ASXL1: variants seen among roughly 807,000 people sequenced by gnomAD.
ASXL1 encodes ASXL transcriptional regulator 1.
Under a neutral mutation model 89.1 loss-of-function variants are expected in ASXL1, and 65 were observed. The observed-to-expected ratio is 0.73, with a 90% CI of 0.60 to 0.90. ASXL1 has a LOEUF of 0.90. Among genes scored for constraint, ASXL1 ranks in the 40% least tolerant of loss-of-function variants. ASXL1 has a pLI of 0.00. For synonymous variants in ASXL1, 739 were observed against 746.9 expected (o/e 0.99, Z 0.17); for missense variants, 1,786 against 1,942.9 (o/e 0.92, Z 1.52).
At position 32,435,844 on chromosome 20, in the gene ASXL1, C is replaced by G; in HGVS notation, c.3132C>G (p.Ser1044=). ...ATTGGAACCAATCTGCCCCACTGTCCAAGGTGAATGGTGACATGCGTCTGG... is the reference window on the plus strand; with the variant it reads ...ATTGGAACCAATCTGCCCCACTGTCGAAGGTGAATGGTGACATGCGTCTGG... ...KPNWNQSAPL[S]KVNGDMRLVT... The change falls in exon 13 of 13, where the codon TCC becomes TCG. Residue 1044 remains serine, a synonymous_variant. Transcript: ENST00000375687. 6.2e-7 allele frequency: 1 copy of G among 1,614,120 alleles called. No homozygotes were observed. Among genetic ancestry groups the G allele is most frequent in the Non-Finnish European group, 8.5e-7 (1 of 1,180,022 alleles).
chr20:32,426,209 A>G (rs1193598998), intron 4 of ASXL1, among the ~76,000 whole-genome samples: 1 of 152,114 alleles, frequency 6.6e-6, no homozygotes. Context: ...AGATACATAT[A>G]TATTTTTTAG....
chr20:32,427,716 A>G, intron 4 of ASXL1: 1 of 272,296 alleles, frequency 3.7e-6, no homozygotes, highest in Non-Finnish European at 7.2e-6. Context: ...CGCTCAACTC[A>G]TTGAAGTTAG....
intron 4 of ASXL1, among the ~76,000 whole-genome samples, chr20:32,391,146 T>G (rs1195166575): frequency 6.6e-6 from 1 of 152,090 alleles, no homozygotes; most frequent in Non-Finnish European, 1.5e-5. Flanking sequence ...CACCTATGCC[T>G]CTCAAAGTGC....
Position 32,366,376 on chromosome 20 carries a change from T to A in ASXL1, c.58-8T>A. The A allele has an allele frequency of 1.2e-6, 2 of 1,603,840 alleles. No homozygotes were observed. Among genetic ancestry groups the A allele is most frequent in the Non-Finnish European group, 1.7e-6 (2 of 1,170,724 alleles). On this transcript the variant is annotated splice_polypyrimidine_tract_variant and splice_region_variant and intron_variant, in intron 1 of 12. Coordinates refer to ENST00000375687, the MANE Select transcript of ASXL1 (RefSeq NM_015338.6). Reference sequence around the variant, plus strand: ...CACACTGAAATTAGGACGTTTATATTTCTTCAGGTATTAGAAAACTACTCG... The same window carrying A: ...CACACTGAAATTAGGACGTTTATATATCTTCAGGTATTAGAAAACTACTCG...
chr20:32,433,213 C>T (rs2123250510), intron 11 of ASXL1, 71 bp from the exon 12 acceptor site: 1 of 1,603,414 alleles, frequency 6.2e-7, no homozygotes, highest in Non-Finnish European at 8.5e-7. Context: ...TTTCTGGGTC[C>T]ATATTATTCA....
At chr20:32,380,117 A>G (rs2122918506) in intron 4 of ASXL1, among the ~76,000 whole-genome samples, 1 of 151,878 alleles carries the variant, frequency 6.6e-6, no homozygotes, top group Non-Finnish European at 1.5e-5. Context: ...CTCCATCTCT[A>G]CTAAAAATAC....
intron 4 of ASXL1, among the ~76,000 whole-genome samples, chr20:32,399,269 A>G (rs1272371217): frequency 6.6e-6 from 1 of 151,754 alleles, no homozygotes; most frequent in African/African-American, 2.4e-5. Context: ...TACTTTAAAG[A>G]TGATATACCA....
intron 4 of ASXL1, among the ~76,000 whole-genome samples, chr20:32,394,000 T>C (rs1449560252): frequency 1.3e-5 from 2 of 149,400 alleles, no homozygotes; most frequent in Non-Finnish European, 3.0e-5. Flanking sequence ...CTGGCTATTT[T>C]TTTTTTTTTT....
At chr20:32,418,747 CGTGTTGAGA>C (rs1424518679) in intron 4 of ASXL1, among the ~76,000 whole-genome samples, 3 of 140,646 alleles carry the variant, frequency 2.1e-5, no homozygotes, top group Non-Finnish European at 3.0e-5. Flanking sequence ...TGTAAAAGAT[CGTGTTGAGA>C]GCTTTATTGG....
intron 4 of ASXL1, among the ~76,000 whole-genome samples, chr20:32,398,785 A>AT (rs1189041741): frequency 6.7e-6 from 1 of 149,828 alleles, no homozygotes; most frequent in Non-Finnish European, 1.5e-5. Context: ...CATTTTTTGT[A>AT]TTTTTAGTAG....
intron 4 of ASXL1, 149 bp from the exon 5 acceptor site, chr20:32,427,979 T>C: frequency 9.1e-7 from 1 of 1,104,584 alleles, no homozygotes; most frequent in Non-Finnish European, 1.3e-6. Flanking sequence ...TGAAAAGAAC[T>C]TGCTGAGAAA....
Position 32,362,871 on chromosome 20 carries a change from T to A in ASXL1, c.58-3513T>A, listed in dbSNP as rs1057128533. ...ATCCTCCAACTTGTTATAAACAGTT[T>A]GTTTGGGAGAAATAGCCAAGGGGAT... On this transcript the variant is annotated intron_variant, in intron 1 of 12. Transcript: ENST00000375687. Among the ~76,000 whole-genome samples the A allele has an allele frequency of 2.0e-5, 3 of 152,216 alleles. No individual in the cohort carries two copies. In the East Asian group the frequency reaches 5.8e-4, roughly 29 times the overall value.
At position 32,438,155 on chromosome 20, in the gene ASXL1, G is replaced by A. The variant is rs933139215; in HGVS notation, c.*817G>A. On this transcript the variant is annotated 3_prime_UTR_variant, in exon 13 of 13. Transcript: ENST00000375687. The stretch of plus-strand genomic sequence containing the variant: ...TGGGCATCTCCACGCACCTGTGTAT[G>A]TGAAAGTCATTTTACATTTCAAAGC... 3.4e-5 allele frequency: 8 copies of A among 233,420 alleles called. No individual in the cohort carries two copies. Among genetic ancestry groups the A allele is most frequent in the Non-Finnish European group, 5.9e-5 (7 of 117,984 alleles). 14.5% of individuals were successfully genotyped at this position (233,420 alleles called of 1,614,324 possible).
chr20:32,384,198 GTTTTTTTTTTTTTTTTT>G (rs71187115), intron 4 of ASXL1, among the ~76,000 whole-genome samples: 1 of 77,304 alleles, frequency 1.3e-5, no homozygotes, highest in Non-Finnish European at 2.5e-5. Context: ...GCAGCAGTCT[GTTTTTTTTTTTTTTTTT>G]TTTTTTTTTG....
chr20:32,436,906 C>G lies in ASXL1; in HGVS notation c.4194C>G (p.His1398Gln). 1.2e-6 allele frequency: 2 copies of G among 1,614,208 alleles called. No homozygotes were observed. Among genetic ancestry groups the G allele is most frequent in the African/African-American group, 1.3e-5 (1 of 75,052 alleles). Residue 1398 changes from histidine (H) to glutamine (Q), a missense_variant, in exon 13 of 13, where the codon CAC (histidine) becomes CAG (glutamine). By Grantham distance (24) the His-to-Gln change is conservative (BLOSUM62 0). Transcript: ENST00000375687. Reference protein sequence around the residue: ...TGHSPLELVGHLEGMPFVMDL... With the variant: ...TGHSPLELVGQLEGMPFVMDL... ...ATAGTCCCCTGGAACTGGTGGGTCA[C>G]TTGGAAGGGATGCCCTTTGTCATGG...
At chr20:32,363,798 GAA>G (rs1202785203) in intron 1 of ASXL1, among the ~76,000 whole-genome samples, 3 of 152,208 alleles carry the variant, frequency 2.0e-5, no homozygotes, top group South Asian at 2.1e-4. Context: ...TAGCAGGAGA[GAA>G]AGAGTCAGAG....
intron 1 of ASXL1, chr20:32,360,012 G>C: frequency 1.9e-6 from 1 of 536,100 alleles, no homozygotes; most frequent in Non-Finnish European, 3.3e-6. Context: ...GTGAAGCTCA[G>C]ACTTAATTTT....
At position 32,437,604 on chromosome 20, in the gene ASXL1, G is replaced by T; in HGVS notation, c.*266G>T. 1.9e-6 allele frequency: 1 copy of T among 516,488 alleles called. No individual in the cohort carries two copies. The highest frequency in any genetic ancestry group is 3.5e-6 in the Non-Finnish European group (1 of 289,830). 32.0% of individuals were successfully genotyped at this position (516,488 alleles called of 1,614,324 possible). A position where few individuals can be genotyped will look rare whatever the true frequency, so the allele number is the denominator to read the frequency against. ...GCAAGACAGAGCCTGATGTGGCACG[G>T]AGTGGGGTTGCGGGGGGTGGGGGGA... On this transcript the variant is annotated 3_prime_UTR_variant, in exon 13 of 13. Coordinates refer to ENST00000375687, the MANE Select transcript of ASXL1 (RefSeq NM_015338.6).
intron 4 of ASXL1, among the ~76,000 whole-genome samples, chr20:32,398,089 T>C (rs894841957): frequency 6.6e-6 from 1 of 152,234 alleles, no homozygotes. Flanking sequence ...TATGTATCCT[T>C]TTGGGTGTGG....
Sources: gnomAD v4.1 joint callset for allele counts (sites outside exome capture counted in the v4.1 genomes callset) on GRCh38, gnomAD v4.1.1 for gene constraint, MANE v1.5 for transcripts, NCBI Gene and HGNC (gene_info 2026-07-23, HGNC 2026-07-21) for gene names.